The following KIF6 variants were observed in gnomAD, a reference collection of about 807,000 sequenced individuals.
KIF6 encodes kinesin-like protein KIF6.
In KIF6, 106 loss-of-function variants were observed where a neutral mutation model predicts 112.7. The ratio of observed to expected loss-of-function variants is 0.94; its 90% CI spans 0.80 to 1.11. KIF6 has a LOEUF of 1.11. Among genes scored for constraint, KIF6 ranks in the 50% least tolerant of loss-of-function variants. The pLI is 0.00. For missense variants in KIF6, 929 were observed against 964.0 expected, an observed-to-expected ratio of 0.96 and a Z score of 0.48; for synonymous variants, 339 against 339.9, an observed-to-expected ratio of 1.00 and a Z score of 0.03.
intron 1 of KIF6, among the ~76,000 whole-genome samples, chr6:39,722,926 AC>A (rs1448744863): frequency 4.6e-5 from 7 of 152,274 alleles, no homozygotes; most frequent in African/African-American, 1.7e-4. Flanking sequence ...ATATCCAAAC[AC>A]TGCATTTTAA....
At chr6:39,533,782 T>C (rs939126043) in intron 13 of KIF6, among the ~76,000 whole-genome samples, 2 of 152,110 alleles carry the variant, frequency 1.3e-5, no homozygotes, top group African/African-American at 2.4e-5. Flanking sequence ...GACCCCTGAC[T>C]CCCGAGCAGC....
At chr6:39,361,733 C>T (rs145590821) in intron 17 of KIF6, among the ~76,000 whole-genome samples, 248 of 151,978 alleles carry the variant, frequency 1.6e-3, no homozygotes, top group African/African-American at 5.7e-3. Flanking sequence ...CCAGGAGCGA[C>T]CTGAAGACCA....
chr6:39,433,338 T>C (rs1261311913), intron 13 of KIF6, among the ~76,000 whole-genome samples: 2 of 152,134 alleles, frequency 1.3e-5, no homozygotes, highest in African/African-American at 4.8e-5. Flanking sequence ...CGCAGGCAGT[T>C]TGGGATCGTT....
rs1780744984 is a variant in KIF6, at chr6:39,573,257, C to T, written c.1181+4799G>A. Among the ~76,000 whole-genome samples, 3 of 152,068 alleles carry T rather than the reference C, an allele frequency of 2.0e-5. No individual in the cohort carries two copies. The South Asian group carries it at 6.2e-4, about 32-fold the overall frequency. ...CGCAATAAGAGGACTGAAGCTGATT[C>T]ACATTCCTGAATAAATATCCAGGGG... On this transcript the variant is annotated intron_variant, in intron 10 of 22. Transcript: ENST00000287152.
Position 39,720,827 on chromosome 6 carries a change from C to T in KIF6, c.67-16G>A, listed in dbSNP as rs532056667. ...TGGAATAAATCTGCAAATGTGAAGA[C>T]AACAAATGGATATAAAATGGTGAAA... is the stretch of plus-strand genomic sequence containing the variant. On this transcript the variant is annotated splice_polypyrimidine_tract_variant and intron_variant, in intron 1 of 22. Transcript: ENST00000287152. The T allele has an allele frequency of 9.3e-7, 1 of 1,077,018 alleles. No homozygotes were observed. The highest frequency in any genetic ancestry group is 1.3e-5 in the South Asian group (1 of 79,756). 66.7% of individuals were successfully genotyped at this position (1,077,018 alleles called of 1,614,324 possible).
intron 18 of KIF6, among the ~76,000 whole-genome samples, chr6:39,359,076 TC>T (rs372082447): frequency 2.5e-3 from 383 of 152,356 alleles, no homozygotes; most frequent in African/African-American, 8.4e-3. Context: ...TTCTCCATTG[TC>T]CTGCCGCGTG....
chr6:39,367,225 A>G (rs1765626163), intron 16 of KIF6, among the ~76,000 whole-genome samples: 1 of 152,212 alleles, frequency 6.6e-6, no homozygotes, highest in African/African-American at 2.4e-5. Context: ...CTGGGAACTC[A>G]AAGGGAACCA....
chr6:39,371,876 C>T (rs919115742), intron 16 of KIF6, among the ~76,000 whole-genome samples: 5 of 152,044 alleles, frequency 3.3e-5, no homozygotes, highest in African/African-American at 1.2e-4. Context: ...GAAGAGTCTG[C>T]TTTGAATATC....
intron 11 of KIF6, 120 bp from the exon 12 acceptor site, chr6:39,544,813 AG>A (rs1778980659): frequency 3.9e-6 from 2 of 514,150 alleles, no homozygotes; most frequent in Non-Finnish European, 6.6e-6. Flanking sequence ...TGTCTGATGC[AG>A]GTGCGATGTC....
At chr6:39,453,887 T>C (rs766515816) in intron 13 of KIF6, among the ~76,000 whole-genome samples, 1 of 152,234 alleles carries the variant, frequency 6.6e-6, no homozygotes, top group Non-Finnish European at 1.5e-5. Context: ...ATTCCCCTTG[T>C]ATGTCTGTGA....
chr6:39,402,658 G>C (rs1277474403), intron 15 of KIF6, among the ~76,000 whole-genome samples: 2 of 152,126 alleles, frequency 1.3e-5, no homozygotes, highest in African/African-American at 4.8e-5. Context: ...CCACCAACGA[G>C]GCCTGACTGA....
chr6:39,590,822 A>C (rs1372836731), intron 7 of KIF6, among the ~76,000 whole-genome samples: 1 of 152,196 alleles, frequency 6.6e-6, no homozygotes, highest in Non-Finnish European at 1.5e-5. Flanking sequence ...AATGTAACCC[A>C]AACTGGTTTT....
intron 16 of KIF6, among the ~76,000 whole-genome samples, chr6:39,382,672 TG>T (rs1465850120): frequency 1.3e-5 from 2 of 152,174 alleles, no homozygotes; most frequent in African/African-American, 4.8e-5. Flanking sequence ...ATTTTTCTTT[TG>T]GTATATAGCC....
intron 19 of KIF6, among the ~76,000 whole-genome samples, chr6:39,352,311 C>T (rs1764316619): frequency 6.6e-6 from 1 of 152,184 alleles, no homozygotes; most frequent in Non-Finnish European, 1.5e-5. Flanking sequence ...TGCAGGGGTT[C>T]ACTCTTTGTG....
chr6:39,561,924 T>C (rs1163418778), intron 10 of KIF6, among the ~76,000 whole-genome samples: 2 of 152,218 alleles, frequency 1.3e-5, no homozygotes, highest in African/African-American at 4.8e-5. Context: ...ACGTGAGAAA[T>C]GTTTCTGTGA....
chr6:39,580,597 TG>T (rs1407625249), intron 9 of KIF6, among the ~76,000 whole-genome samples: 2 of 152,226 alleles, frequency 1.3e-5, no homozygotes, highest in Non-Finnish European at 2.9e-5. Flanking sequence ...GAATGTTTAA[TG>T]TGCTCAAACA....
chr6:39,588,243 G>T (rs1325110103), intron 7 of KIF6, among the ~76,000 whole-genome samples: 1 of 152,112 alleles, frequency 6.6e-6, no homozygotes, highest in Non-Finnish European at 1.5e-5. Flanking sequence ...TTGAGACAGA[G>T]TCTTGCTCTG....
chr6:39,643,106 C>A (rs1452834290), intron 3 of KIF6, among the ~76,000 whole-genome samples: 1 of 152,086 alleles, frequency 6.6e-6, no homozygotes, highest in South Asian at 2.1e-4. Flanking sequence ...TATTGCCAGA[C>A]ATAGAAGTCT....
chr6:39,375,341 T>A (rs1766357713), intron 16 of KIF6, among the ~76,000 whole-genome samples: 1 of 152,088 alleles, frequency 6.6e-6, no homozygotes, highest in African/African-American at 2.4e-5. Context: ...TGGGAGTAAA[T>A]TTCAAATGTC....
Sources: gnomAD v4.1 joint callset for allele counts (sites outside exome capture counted in the v4.1 genomes callset) on GRCh38, gnomAD v4.1.1 for gene constraint, MANE v1.5 for transcripts, NCBI Gene and HGNC (gene_info 2026-07-23, HGNC 2026-07-21) for gene names.